The following GNL1 variants were observed in gnomAD, a reference collection of about 807,000 sequenced individuals.
GNL1 encodes the protein G protein nucleolar 1, also known as guanine nucleotide-binding protein-like 1.
A neutral mutation model predicts 75.2 loss-of-function variants in GNL1; 21 were observed. That is an observed-to-expected ratio of 0.28 (90% CI 0.20 to 0.40). The LOEUF (loss-of-function observed/expected upper bound fraction) is 0.40. GNL1 is among the 10% of genes least tolerant of loss of function. The pLI, the probability that GNL1 is intolerant of heterozygous loss-of-function variation, is 1.00. For synonymous variants in GNL1, 287 were observed against 303.4 expected, an observed-to-expected ratio of 0.95 and a Z score of 0.56; for missense variants, 579 against 775.0, an observed-to-expected ratio of 0.75 and a Z score of 3.00.
intron 5 of GNL1, 80 bp from the exon 6 acceptor site, chr6:30,553,637 G>T: frequency 1.1e-6 from 1 of 950,304 alleles, no homozygotes; most frequent in Non-Finnish European, 1.7e-6. Context: ...CTCAGCAGGT[G>T]TAGCTCAGAG....
Position 30,548,049 on chromosome 6 carries a change from G to A in GNL1, c.1100-519C>T, listed in dbSNP as rs140891347. On this transcript the variant is annotated intron_variant, in intron 8 of 11. Coordinates refer to ENST00000376621, the MANE Select transcript of GNL1 (RefSeq NM_005275.5). This position sits in a 1 kb window ranked among gnomAD's most constrained non-coding sequence, Gnocchi z 4.2. ...AAATTAGCTGGGCGTGGTGGTGGGC[G>A]CCTGTAATTGCAGCTACTTGGGAGG... Among the ~76,000 whole-genome samples, 131 of 152,142 alleles carry A rather than the reference G, an allele frequency of 8.6e-4. 2 individuals are homozygous for A. Among genetic ancestry groups the A allele is most frequent in the Middle Eastern group, 3.4e-3 (1 of 294 alleles).
In GNL1 at chr6:30,556,058, G is replaced by C. The variant is rs1169634043; in HGVS notation, c.73+73C>G. ...ACCCCCTCCCACGATCCCCAGAGGT[G>C]CAGCGGGCACACCCCTCCTTCCAGA... On this transcript the variant is annotated intron_variant, in intron 1 of 11. Coordinates refer to ENST00000376621, the MANE Select transcript of GNL1 (RefSeq NM_005275.5). This position sits in a 1 kb window ranked among gnomAD's most constrained non-coding sequence, Gnocchi z 5.7. The C allele has an allele frequency of 1.9e-6, 3 of 1,557,536 alleles. No homozygotes were observed. The Admixed American group carries it at 5.0e-5, about 26-fold the overall frequency.
In GNL1 at chr6:30,555,755, A is replaced by C. The variant is rs753044038; in HGVS notation, c.74-35T>G. On this transcript the variant is annotated intron_variant, in intron 1 of 11. Transcript: ENST00000376621. This position sits in a 1 kb window ranked among gnomAD's most constrained non-coding sequence, Gnocchi z 4.3. Reference sequence around the variant, plus strand: ...GGGGCCGGTGACGCCAGTGCTGGCCAGCTCTCAGGGGCCATAAGACCCTCT... The same window carrying C: ...GGGGCCGGTGACGCCAGTGCTGGCCCGCTCTCAGGGGCCATAAGACCCTCT... The C allele has an allele frequency of 6.2e-7, 1 of 1,605,694 alleles. No homozygotes were observed. Among genetic ancestry groups the C allele is most frequent in the East Asian group, 2.2e-5 (1 of 44,798 alleles).
In GNL1 at chr6:30,547,253, T is replaced by C; in HGVS notation, c.1300A>G (p.Ile434Val). The C allele has an allele frequency of 6.2e-7, 1 of 1,605,598 alleles. No individual in the cohort carries two copies. Among genetic ancestry groups the C allele is most frequent in the African/African-American group, 1.3e-5 (1 of 74,664 alleles). The part of the protein sequence containing the change: ...QLQVLAGIYP[I>V]AQIQEPYTAV... The stretch of plus-strand genomic sequence containing the variant: ...GTGTAGGGCTCCTGGATCTGGGCGA[T>C]AGGGTAGATCCCTGCCAGAACCTGA... The change falls in exon 10 of 12, where the codon ATC becomes GTC. Residue 434 changes from isoleucine (I) to valine (V), a missense_variant. By Grantham distance (29) the Ile-to-Val change is conservative. Transcript: ENST00000376621. The surrounding 1 kb of genome is among the most constrained non-coding windows in gnomAD (Gnocchi z 5.5).
intron 5 of GNL1, 119 bp downstream of exon 5, chr6:30,554,456 G>C: frequency 1.3e-6 from 1 of 747,254 alleles, no homozygotes; most frequent in Non-Finnish European, 2.5e-6. Flanking sequence ...TCAGCACTAG[G>C]TAGAGATTAG....
In GNL1 at chr6:30,541,658, G is replaced by A. The variant is rs545526840; in HGVS notation, c.*4414C>T. On this transcript the variant is annotated 3_prime_UTR_variant, in exon 12 of 12. Coordinates refer to ENST00000376621, the MANE Select transcript of GNL1 (RefSeq NM_005275.5). ...GATGGCGCTGCAAAGCTTCTCAAAT[G>A]CAGCGGGAAGTCCATTTACCAACGG... 6.6e-6 allele frequency: 1 copy of A among 152,410 alleles called. No homozygotes were observed. The highest frequency in any genetic ancestry group is 2.1e-4 in the South Asian group (1 of 4,834). 9.4% of individuals were successfully genotyped at this position (152,410 alleles called of 1,614,324 possible).
In GNL1 at chr6:30,546,962, G is replaced by A; in HGVS notation, c.1442-126C>T. The stretch of plus-strand genomic sequence containing the variant: ...CCAGGCCAGAGATCTTACTGGCTAT[G>A]CAACAAAAATCTAGGGGTGAGTGGA... On this transcript the variant is annotated intron_variant, in intron 10 of 11. Coordinates refer to ENST00000376621, the MANE Select transcript of GNL1 (RefSeq NM_005275.5). The surrounding 1 kb of genome is among the most constrained non-coding windows in gnomAD (Gnocchi z 5.1). 1 of 1,132,630 alleles carries A rather than the reference G, an allele frequency of 8.8e-7. No homozygotes were observed. The highest frequency in any genetic ancestry group is 1.3e-6 in the Non-Finnish European group (1 of 767,758). 70.2% of individuals were successfully genotyped at this position (1,132,630 alleles called of 1,614,324 possible).
Position 30,544,908 on chromosome 6 carries a change from C to G in GNL1, c.*1164G>C, listed in dbSNP as rs1485810539. On this transcript the variant is annotated 3_prime_UTR_variant, in exon 12 of 12. Coordinates refer to ENST00000376621, the MANE Select transcript of GNL1 (RefSeq NM_005275.5). ...TTTTGCTATCATCCAATACAGACAA[C>G]ACTGGCAGTCAATAAAAAAGCTCAT... The G allele has an allele frequency of 6.6e-6, 1 of 152,180 alleles. No individual in the cohort carries two copies. Among genetic ancestry groups the G allele is most frequent in the Non-Finnish European group, 1.5e-5 (1 of 68,042 alleles). 9.4% of individuals were successfully genotyped at this position (152,180 alleles called of 1,614,324 possible).
In GNL1 at chr6:30,555,712, C is replaced by T. The variant is rs1562717353; in HGVS notation, c.82G>A (p.Asp28Asn). The T allele has an allele frequency of 4.3e-6, 7 of 1,613,474 alleles. No individual in the cohort carries two copies. Among genetic ancestry groups the T allele is most frequent in the Non-Finnish European group, 5.9e-6 (7 of 1,179,916 alleles). ...DKRERKRGLQDGLRSSSNSRS... is the reference protein window; with the variant it reads ...DKRERKRGLQNGLRSSSNSRS... ...CTGTTGGAACTGGAGCGCAGCCCAT[C>T]TTGAAGCCCTGCGGGGAGGGGCCGG... The change falls in exon 2 of 12, where the codon GAT becomes AAT. Residue 28 changes from aspartate (D) to asparagine (N), a missense_variant. Coordinates refer to ENST00000376621, the MANE Select transcript of GNL1 (RefSeq NM_005275.5). This position sits in a 1 kb window ranked among gnomAD's most constrained non-coding sequence, Gnocchi z 4.3.
Position 30,546,899 on chromosome 6 carries a change from T to C in GNL1, c.1442-63A>G. Reference sequence around the variant, plus strand: ...AACCAGGTACCAGTTATACTCCCACTCCCATAACACAGTCCTTCCAGTTTT... The same window carrying C: ...AACCAGGTACCAGTTATACTCCCACCCCCATAACACAGTCCTTCCAGTTTT... On this transcript the variant is annotated intron_variant, in intron 10 of 11. Transcript: ENST00000376621. This position sits in a 1 kb window ranked among gnomAD's most constrained non-coding sequence, Gnocchi z 5.1. The C allele has an allele frequency of 7.3e-7, 1 of 1,366,824 alleles. No individual in the cohort carries two copies. Among genetic ancestry groups the C allele is most frequent in the East Asian group, 2.3e-5 (1 of 43,412 alleles). The allele number at this position is 1,366,824 out of a possible 1,614,324, so 84.7% of individuals were successfully genotyped here.
At position 30,555,543 on chromosome 6, in the gene GNL1, T is replaced by C. The variant is rs1800100801; in HGVS notation, c.239+12A>G. 1 of 1,610,144 alleles carries C rather than the reference T, an allele frequency of 6.2e-7. No individual in the cohort carries two copies. The highest frequency in any genetic ancestry group is 1.3e-5 in the African/African-American group (1 of 74,818). On this transcript the variant is annotated intron_variant, in intron 2 of 11. Transcript: ENST00000376621. The surrounding 1 kb of genome is among the most constrained non-coding windows in gnomAD (Gnocchi z 4.3). Reference sequence around the variant, plus strand: ...CGGGAAAGCCGGGACCAGCGCCCCCTCCCACCCTCACCGATTTGGGTCGTA... The same window carrying C: ...CGGGAAAGCCGGGACCAGCGCCCCCCCCCACCCTCACCGATTTGGGTCGTA...
rs567620458 is a variant in GNL1, at chr6:30,556,339, C to T, written c.-136G>A. On this transcript the variant is annotated 5_prime_UTR_variant, in exon 1 of 12. Coordinates refer to ENST00000376621, the MANE Select transcript of GNL1 (RefSeq NM_005275.5). This position sits in a 1 kb window ranked among gnomAD's most constrained non-coding sequence, Gnocchi z 5.7. ...CTAGCAGGTGACGTCAGCGGGCGGG[C>T]CCGACAGAATTACCGCCGCGGCGGC... The T allele has an allele frequency of 2.6e-5, 25 of 976,176 alleles. No homozygotes were observed. The South Asian group carries it at 3.1e-4, about 12-fold the overall frequency. The allele number at this position is 976,176 out of a possible 1,614,324, so 60.5% of individuals were successfully genotyped here.
rs1361410622 is a variant in GNL1 at position 30,541,671 on chromosome 6, C to T, written c.*4401G>A. The T allele has an allele frequency of 6.6e-6, 1 of 152,258 alleles. No individual in the cohort carries two copies. Among genetic ancestry groups the T allele is most frequent in the Non-Finnish European group, 1.5e-5 (1 of 68,048 alleles). 9.4% of individuals were successfully genotyped at this position (152,258 alleles called of 1,614,324 possible). ...AGCTTCTCAAATGCAGCGGGAAGTCCATTTACCAACGGCTGTTGCGATCTC... is the reference window on the plus strand; with the variant it reads ...AGCTTCTCAAATGCAGCGGGAAGTCTATTTACCAACGGCTGTTGCGATCTC... On this transcript the variant is annotated 3_prime_UTR_variant, in exon 12 of 12. Coordinates refer to ENST00000376621, the MANE Select transcript of GNL1 (RefSeq NM_005275.5).
chr6:30,553,192 G>C lies in GNL1; in HGVS notation c.809-13C>G. ...CTCTTCTTCAAGACTGAGATCAGAGGGCACAAAAGGATGGGCACACGGGCT... is the reference window on the plus strand; with the variant it reads ...CTCTTCTTCAAGACTGAGATCAGAGCGCACAAAAGGATGGGCACACGGGCT... On this transcript the variant is annotated splice_polypyrimidine_tract_variant and intron_variant, in intron 6 of 11. Transcript: ENST00000376621. The C allele has an allele frequency of 1.3e-6, 2 of 1,595,812 alleles. No homozygotes were observed. The highest frequency in any genetic ancestry group is 1.7e-6 in the Non-Finnish European group (2 of 1,163,460).
rs916184428 is a variant in GNL1 at position 30,555,919 on chromosome 6, C to G, written c.74-199G>C. The G allele has an allele frequency of 5.0e-6, 4 of 796,210 alleles. No individual in the cohort carries two copies. The highest frequency in any genetic ancestry group is 8.0e-6 in the Non-Finnish European group (4 of 501,466). 49.3% of individuals were successfully genotyped at this position (796,210 alleles called of 1,614,324 possible). Reference sequence around the variant, plus strand: ...GGAGCAGTGGGGACGGCGCCCCGTGCTAGCTGGAGGGATTCCCCTCCCCCA... The same window carrying G: ...GGAGCAGTGGGGACGGCGCCCCGTGGTAGCTGGAGGGATTCCCCTCCCCCA... On this transcript the variant is annotated intron_variant, in intron 1 of 11. Transcript: ENST00000376621. This position sits in a 1 kb window ranked among gnomAD's most constrained non-coding sequence, Gnocchi z 4.3.
chr6:30,547,051 G>A lies in GNL1; in HGVS notation c.1441+61C>T, dbSNP rs756885181. 1.8e-5 allele frequency: 26 copies of A among 1,448,412 alleles called. No homozygotes were observed. The highest frequency in any genetic ancestry group is 9.1e-5 in the East Asian group (4 of 44,134). 89.7% of individuals were successfully genotyped at this position (1,448,412 alleles called of 1,614,324 possible). Reference sequence around the variant, plus strand: ...AAGGAGACAGGGAAGGGTAAAAGGCGAGGCAGGTAAGGAAGAGCAGCTGAA... The same window carrying A: ...AAGGAGACAGGGAAGGGTAAAAGGCAAGGCAGGTAAGGAAGAGCAGCTGAA... On this transcript the variant is annotated intron_variant, in intron 10 of 11. Transcript: ENST00000376621. The surrounding 1 kb of genome is among the most constrained non-coding windows in gnomAD (Gnocchi z 5.5).
At position 30,556,109 on chromosome 6, in the gene GNL1, C is replaced by T. The variant is rs753984175; in HGVS notation, c.73+22G>A. 5 of 1,597,790 alleles carry T rather than the reference C, an allele frequency of 3.1e-6. No homozygotes were observed. The highest frequency in any genetic ancestry group is 1.1e-5 in the South Asian group (1 of 91,000). ...TGTGCGGAAGCCCGAGCCCCGCCCC[C>T]TCCTCCCGCTCCCGCACTGACCTCT... On this transcript the variant is annotated intron_variant, in intron 1 of 11. Coordinates refer to ENST00000376621, the MANE Select transcript of GNL1 (RefSeq NM_005275.5). This position sits in a 1 kb window ranked among gnomAD's most constrained non-coding sequence, Gnocchi z 5.7.
In GNL1 at chr6:30,546,986, G is replaced by T; in HGVS notation, c.1441+126C>A. 2 of 1,109,046 alleles carry T rather than the reference G, an allele frequency of 1.8e-6. No homozygotes were observed. Among genetic ancestry groups the T allele is most frequent in the Non-Finnish European group, 2.7e-6 (2 of 737,476 alleles). 68.7% of individuals were successfully genotyped at this position (1,109,046 alleles called of 1,614,324 possible). A position where few individuals can be genotyped will look rare whatever the true frequency, so the allele number is the denominator to read the frequency against. Reference sequence around the variant, plus strand: ...TGCAACAAAAATCTAGGGGTGAGTGGACAGCAGCTTCATCAATGGCAGAAT... The same window carrying T: ...TGCAACAAAAATCTAGGGGTGAGTGTACAGCAGCTTCATCAATGGCAGAAT... On this transcript the variant is annotated intron_variant, in intron 10 of 11. Transcript: ENST00000376621. This position sits in a 1 kb window ranked among gnomAD's most constrained non-coding sequence, Gnocchi z 5.1.
chr6:30,555,984 G>A lies in GNL1; in HGVS notation c.73+147C>T, dbSNP rs374218188. On this transcript the variant is annotated intron_variant, in intron 1 of 11. Coordinates refer to ENST00000376621, the MANE Select transcript of GNL1 (RefSeq NM_005275.5). The surrounding 1 kb of genome is among the most constrained non-coding windows in gnomAD (Gnocchi z 4.3). ...CCCACCCCTTCCAGATGTAGGGGGG[G>A]TGGGGGATCCCCTCCGCGATAGGCC... 6.3e-5 allele frequency: 64 copies of A among 1,015,106 alleles called. 1 individual carries two copies. In the East Asian group the frequency reaches 7.5e-4, roughly 12 times the overall value. 62.9% of individuals were successfully genotyped at this position (1,015,106 alleles called of 1,614,324 possible).
Sources: allele counts gnomAD v4.1 joint callset (sites outside exome capture counted in the v4.1 genomes callset), GRCh38; gene constraint gnomAD v4.1.1; non-coding constraint Gnocchi (gnomAD v3.1); transcripts MANE v1.5; gene names NCBI Gene and HGNC (gene_info 2026-07-23, HGNC 2026-07-21).